SEMA3A: variants seen among roughly 807,000 people sequenced by gnomAD.
The protein encoded by SEMA3A is semaphorin-3A.
SEMA3A carries 29 observed loss-of-function variants against 97.9 expected under a neutral mutation model. The observed-to-expected ratio is 0.30, with a 90% CI of 0.22 to 0.40. The LOEUF is 0.40. Among genes scored for constraint, SEMA3A ranks in the 10% least tolerant of loss-of-function variants. The pLI is 1.00. For synonymous variants in SEMA3A, 321 were observed against 323.7 expected (o/e 0.99, Z 0.09); for missense variants, 763 against 951.3 (o/e 0.80, Z 2.60).
At chr7:84,221,699 T>C (rs988275118) in intron 3 of SEMA3A, among the ~76,000 whole-genome samples, 1 of 151,986 alleles carries the variant, frequency 6.6e-6, no homozygotes, top group South Asian at 2.1e-4. Context: ...AGAACACACA[T>C]AGCATTTATT....
intron 1 of SEMA3A, among the ~76,000 whole-genome samples, chr7:84,473,209 TTTG>T (rs1448800981): frequency 2.6e-5 from 4 of 151,542 alleles, no homozygotes; most frequent in African/African-American, 9.7e-5. Context: ...AGTTTCCTTC[TTTG>T]TTATTTCCTC....
chr7:84,346,051 C>T (rs1802292589), intron 2 of SEMA3A, among the ~76,000 whole-genome samples: 1 of 152,228 alleles, frequency 6.6e-6, no homozygotes. Flanking sequence ...CTTGCTGCAG[C>T]TTTTACGTCA....
rs535704151 is a variant in SEMA3A at position 84,320,944 on chromosome 7, T to A, written c.-168-13652A>T. ...AGGTATATAGAAATGTTTGACTCAC[T>A]GGTGTGTTAAATATATACTGGCCAT... On this transcript the variant is annotated intron_variant, in intron 2 of 3. Coordinates refer to the SEMA3A transcript ENST00000424555. Among the ~76,000 whole-genome samples the A allele has an allele frequency of 6.1e-4, 93 of 152,292 alleles. 1 individual carries two copies. In the South Asian group the frequency reaches 0.018, roughly 30 times the overall value.
intron 2 of SEMA3A, among the ~76,000 whole-genome samples, chr7:84,329,052 T>C (rs912678302): frequency 6.6e-6 from 1 of 151,892 alleles, no homozygotes; most frequent in Non-Finnish European, 1.5e-5. Context: ...ACATGTGCCA[T>C]GGTGGTTTGC....
At chr7:84,205,634 A>G (rs1228989580) in intron 3 of SEMA3A, among the ~76,000 whole-genome samples, 1 of 152,198 alleles carries the variant, frequency 6.6e-6, no homozygotes, top group Non-Finnish European at 1.5e-5. Context: ...TATAATTGCC[A>G]CAATCTGAAT....
At chr7:84,054,525 T>A (rs892182886) in intron 5 of SEMA3A, among the ~76,000 whole-genome samples, 2 of 152,012 alleles carry the variant, frequency 1.3e-5, no homozygotes, top group Non-Finnish European at 2.9e-5. Flanking sequence ...ATTCTTCATG[T>A]AGTTCTCGAG....
intron 1 of SEMA3A, among the ~76,000 whole-genome samples, chr7:84,403,540 G>C (rs958013624): frequency 1.3e-5 from 2 of 152,194 alleles, no homozygotes; most frequent in Admixed American, 6.5e-5. Context: ...CAGCTTTGAA[G>C]AGAGTAGTGG....
At chr7:84,213,585 C>T (rs1798682015) in intron 3 of SEMA3A, among the ~76,000 whole-genome samples, 1 of 152,152 alleles carries the variant, frequency 6.6e-6, no homozygotes, top group Non-Finnish European at 1.5e-5. Flanking sequence ...TGTACCTGAC[C>T]TTTTCTTTAT....
chr7:84,401,479 T>C (rs56144625), intron 1 of SEMA3A, among the ~76,000 whole-genome samples: 16,835 of 148,848 alleles, frequency 0.11, 1,811 homozygotes, highest in African/African-American at 0.27. Context: ...AATGATCTTG[T>C]TCACAGAAAT....
intron 2 of SEMA3A, among the ~76,000 whole-genome samples, chr7:84,315,596 TA>T (rs990235156): frequency 4.0e-5 from 6 of 151,770 alleles, no homozygotes; most frequent in Non-Finnish European, 8.8e-5. Context: ...CATCCTCTCT[TA>T]AAAAAAAGAT....
chr7:84,466,918 C>A (rs1263235317), intron 1 of SEMA3A, among the ~76,000 whole-genome samples: 3 of 152,100 alleles, frequency 2.0e-5, no homozygotes, highest in Non-Finnish European at 4.4e-5. Context: ...AAAGAAAGTT[C>A]TTCATAAACT....
chr7:84,175,886 C>T (rs1797548952), intron 1 of SEMA3A, among the ~76,000 whole-genome samples: 1 of 152,072 alleles, frequency 6.6e-6, no homozygotes, highest in South Asian at 2.1e-4. Context: ...GTGAACCTTC[C>T]TTGCCCCACA....
intron 5 of SEMA3A, among the ~76,000 whole-genome samples, chr7:84,056,583 A>G (rs557367366): frequency 2.2e-4 from 33 of 148,930 alleles, no homozygotes; most frequent in African/African-American, 7.4e-4. Context: ...CAGAAGGGGG[A>G]AAAAAAAAAG....
Position 83,989,147 on chromosome 7 carries a change from A to C in SEMA3A, c.1453-3670T>G, listed in dbSNP as rs76403889. Among the ~76,000 whole-genome samples, 1,092 of 152,262 alleles carry C rather than the reference A, an allele frequency of 7.2e-3. 13 individuals are homozygous for C. The highest frequency in any genetic ancestry group is 0.025 in the African/African-American group (1,040 of 41,550). On this transcript the variant is annotated intron_variant, in intron 12 of 16. Coordinates refer to ENST00000265362, the MANE Select transcript of SEMA3A (RefSeq NM_006080.3). ...ATTTCATGAAGGTTTTCATGACATA[A>C]AGTTTACAATCGAAATTCAAAGAAA...
At chr7:84,203,522 ATATATTT>A (rs1285905280) in intron 3 of SEMA3A, among the ~76,000 whole-genome samples, 2 of 43,626 alleles carry the variant, frequency 4.6e-5, no homozygotes, top group African/African-American at 1.5e-4. Flanking sequence ...ATATATATAT[ATATATTT>A]TTTTTTTTTT....
At chr7:84,203,879 T>C (rs1048793395) in intron 3 of SEMA3A, among the ~76,000 whole-genome samples, 1 of 152,074 alleles carries the variant, frequency 6.6e-6, no homozygotes, top group Non-Finnish European at 1.5e-5. Flanking sequence ...ATGTTAAGCA[T>C]GTATTGGAGT....
chr7:84,021,199 T>C (rs1200285290), intron 6 of SEMA3A, among the ~76,000 whole-genome samples: 1 of 152,224 alleles, frequency 6.6e-6, no homozygotes, highest in East Asian at 1.9e-4. Flanking sequence ...CAGACTCTCA[T>C]TAGGAATCCT....
intron 1 of SEMA3A, among the ~76,000 whole-genome samples, chr7:84,471,149 TC>T (rs1032793975): frequency 6.6e-6 from 1 of 152,004 alleles, no homozygotes; most frequent in Non-Finnish European, 1.5e-5. Flanking sequence ...CTAAGTCATT[TC>T]CCCCCATCTT....
intron 2 of SEMA3A, among the ~76,000 whole-genome samples, chr7:84,364,137 T>A (rs1474803226): frequency 6.6e-6 from 1 of 151,698 alleles, no homozygotes; most frequent in Non-Finnish European, 1.5e-5. Context: ...TAAATATATA[T>A]TATAAAATAT....
Sources: gnomAD v4.1 joint callset for allele counts (sites outside exome capture counted in the v4.1 genomes callset) on GRCh38, gnomAD v4.1.1 for gene constraint, MANE v1.5 for transcripts, NCBI Gene and HGNC (gene_info 2026-07-23, HGNC 2026-07-21) for gene names.